The following GPR143 variants were observed in gnomAD, a reference collection of about 807,000 sequenced individuals.
GPR143 encodes the protein G protein-coupled receptor 143, also known as G-protein coupled receptor 143.
Under a neutral mutation model 27.6 loss-of-function variants are expected in GPR143, and 8 were observed. That is an observed-to-expected ratio of 0.29 (90% CI 0.17 to 0.52). GPR143 has a LOEUF of 0.52. Among genes scored for constraint, GPR143 ranks in the 20% least tolerant of loss-of-function variants. The pLI is 0.96. For missense variants in GPR143, 303 were observed against 343.1 expected, an observed-to-expected ratio of 0.88 and a Z score of 0.92; for synonymous variants, 156 against 153.2, an observed-to-expected ratio of 1.02 and a Z score of -0.13.
At chrX:9,742,044 C>T (rs184987309) in intron 6 of GPR143, among the ~76,000 whole-genome samples, 2 of 112,751 alleles carry the variant, frequency 1.8e-5, no homozygotes, top group African/African-American at 6.4e-5. Context: ...AAGGTTCTAG[C>T]ACTGTATCAA....
At chrX:9,777,791 T>A (rs866589355) in intron 1 of GPR143, among the ~76,000 whole-genome samples, 4 of 95,615 alleles carry the variant, frequency 4.2e-5, no homozygotes. Context: ...TCCATCTCTT[T>A]AAAAAAAAAA....
At position 9,756,099 on chromosome X, in the gene GPR143, C is replaced by A. The variant is rs748073134; in HGVS notation, c.455+3233G>T. Among the ~76,000 whole-genome samples the A allele has an allele frequency of 2.7e-5, 3 of 112,185 alleles. No homozygotes were observed. In the South Asian group the frequency reaches 1.1e-3, roughly 41 times the overall value. ...TCAATGATTTTAGAGCGGGGATCTA[C>A]TGGGATTACCCAATATATTCTATAG... On this transcript the variant is annotated intron_variant, in intron 3 of 8. Coordinates refer to ENST00000467482, the MANE Select transcript of GPR143 (RefSeq NM_000273.3).
intron 3 of GPR143, among the ~76,000 whole-genome samples, chrX:9,755,864 A>G (rs1173361194): frequency 8.9e-6 from 1 of 112,147 alleles, no homozygotes; most frequent in Non-Finnish European, 1.9e-5. Flanking sequence ...GCCAAAATGA[A>G]TCTTCACTGA....
Position 9,725,589 on chromosome X carries a change from A to G in GPR143, c.*157T>C, listed in dbSNP as rs1200798817. The G allele has an allele frequency of 2.1e-6, 1 of 468,689 alleles. No homozygotes were observed. Among genetic ancestry groups the G allele is most frequent in the Non-Finnish European group, 3.8e-6 (1 of 264,904 alleles). 38.6% of individuals were successfully genotyped at this position (468,689 alleles called of 1,213,427 possible). A position where few individuals can be genotyped will look rare whatever the true frequency, so the allele number is the denominator to read the frequency against. ...GCATGAACCCTTTCTCCTATCCTAAAGGCCCTTCGGGAAGAAGCTCTAGCT... is the reference window on the plus strand; with the variant it reads ...GCATGAACCCTTTCTCCTATCCTAAGGGCCCTTCGGGAAGAAGCTCTAGCT... On this transcript the variant is annotated 3_prime_UTR_variant, in exon 9 of 9. Transcript: ENST00000467482.
chrX:9,765,560 G>A lies in GPR143; in HGVS notation c.250+8C>T, dbSNP rs2083527254. 9.3e-7 allele frequency: 1 copy of A among 1,078,937 alleles called. No individual in the cohort carries two copies. The highest frequency in any genetic ancestry group is 3.1e-5 in the Admixed American group (1 of 32,524). 88.9% of individuals were successfully genotyped at this position (1,078,937 alleles called of 1,213,427 possible). ...AGATTCCAACCCGCGGGCCGCGCGCGCCCTTACCCAGGCAGCCGAGAAGGT... is the reference window on the plus strand; with the variant it reads ...AGATTCCAACCCGCGGGCCGCGCGCACCCTTACCCAGGCAGCCGAGAAGGT... On this transcript the variant is annotated splice_region_variant and intron_variant, in intron 1 of 8. Coordinates refer to ENST00000467482, the MANE Select transcript of GPR143 (RefSeq NM_000273.3).
chrX:9,752,817 G>T (rs1464550188), intron 3 of GPR143, among the ~76,000 whole-genome samples: 1 of 110,597 alleles, frequency 9.0e-6, no homozygotes, highest in Admixed American at 9.7e-5. Context: ...CTGCCCTCCA[G>T]CCTAGATGAC....
intron 8 of GPR143, among the ~76,000 whole-genome samples, chrX:9,728,327 TAAAGA>T (rs1157197201): frequency 9.7e-6 from 1 of 103,305 alleles, no homozygotes; most frequent in Non-Finnish European, 2.0e-5. Context: ...GACATGAGTA[TAAAGA>T]AAAGGGCAGG....
At chrX:9,741,943 T>C (rs1185599826) in intron 6 of GPR143, among the ~76,000 whole-genome samples, 1 of 111,247 alleles carries the variant, frequency 9.0e-6, no homozygotes, top group Non-Finnish European at 1.9e-5. Flanking sequence ...ACACTAAGAA[T>C]TTAATTTAAA....
upstream of GPR143, chrX:9,766,214 C>T (rs1412624658): frequency 1.7e-5 from 2 of 118,963 alleles, no homozygotes; most frequent in African/African-American, 6.4e-5. Context: ...AAACAGGCCT[C>T]GTGGACTAGA....
upstream of GPR143, among the ~76,000 whole-genome samples, chrX:9,771,054 G>A (rs1215869615): frequency 1.8e-5 from 2 of 111,688 alleles, no homozygotes; most frequent in African/African-American, 6.5e-5. Flanking sequence ...ACTTTGGGAG[G>A]CCAAGGTGGG....
chrX:9,766,892 ATCTC>A (rs778384446), upstream of GPR143, among the ~76,000 whole-genome samples: 123 of 77,299 alleles, frequency 1.6e-3, no homozygotes, highest in African/African-American at 6.1e-3. Flanking sequence ...GTGAGACCCT[ATCTC>A]TCTCTCTCAC....
intron 3 of GPR143, among the ~76,000 whole-genome samples, chrX:9,749,260 G>A (rs1945859856): frequency 1.1e-5 from 1 of 89,622 alleles, no homozygotes; most frequent in Non-Finnish European, 2.1e-5. Flanking sequence ...CCAATCGCTC[G>A]GCTGCCTTGT....
intron 3 of GPR143, among the ~76,000 whole-genome samples, chrX:9,750,017 C>A (rs1473526369): frequency 8.9e-6 from 1 of 112,007 alleles, no homozygotes; most frequent in Admixed American, 9.4e-5. Flanking sequence ...CCCCCTGCCT[C>A]GGCCTCCCAA....
At chrX:9,736,093 C>A (rs2083378303) in intron 8 of GPR143, among the ~76,000 whole-genome samples, 1 of 110,692 alleles carries the variant, frequency 9.0e-6, no homozygotes, top group South Asian at 3.8e-4. Flanking sequence ...CGGAATGACA[C>A]CTGCGTTTCC....
chrX:9,725,630 G>T lies in GPR143; in HGVS notation c.*116C>A. Reference sequence around the variant, plus strand: ...AGCTCTAGCTGGTGATGAGAGCAAGGTTTGGGGGCCGCTACACTTCGGCAG... The same window carrying T: ...AGCTCTAGCTGGTGATGAGAGCAAGTTTTGGGGGCCGCTACACTTCGGCAG... On this transcript the variant is annotated 3_prime_UTR_variant, in exon 9 of 9. Transcript: ENST00000467482. 1 of 577,824 alleles carries T rather than the reference G, an allele frequency of 1.7e-6. No individual in the cohort carries two copies. Among genetic ancestry groups the T allele is most frequent in the Non-Finnish European group, 2.9e-6 (1 of 342,165 alleles). 47.6% of individuals were successfully genotyped at this position (577,824 alleles called of 1,213,427 possible).
chrX:9,728,541 G>A (rs2083339086), intron 8 of GPR143, among the ~76,000 whole-genome samples: 1 of 104,424 alleles, frequency 9.6e-6, no homozygotes, highest in Admixed American at 1.0e-4. Flanking sequence ...TGTGGGCTGG[G>A]CACGATGGCT....
At chrX:9,772,813 CAAAAAAAAAA>C (rs57110568) in intron 1 of GPR143, among the ~76,000 whole-genome samples, 7 of 49,783 alleles carry the variant, frequency 1.4e-4, no homozygotes, top group South Asian at 2.9e-3. Context: ...GATCCTGTCT[CAAAAAAAAAA>C]AAAAAAAAAA....
chrX:9,753,610 C>T (rs1278582374), intron 3 of GPR143, among the ~76,000 whole-genome samples: 1 of 110,916 alleles, frequency 9.0e-6, no homozygotes, highest in African/African-American at 3.3e-5. Flanking sequence ...CAAACCTGAA[C>T]CTGAGGTTTC....
upstream of GPR143, among the ~76,000 whole-genome samples, chrX:9,766,933 A>T (rs748967352): frequency 5.6e-5 from 6 of 107,942 alleles, no homozygotes; most frequent in Non-Finnish European, 9.6e-5. Context: ...ACACACACAC[A>T]CACACACACA....
Sources: allele counts gnomAD v4.1 joint callset (sites outside exome capture counted in the v4.1 genomes callset), GRCh38; gene constraint gnomAD v4.1.1; transcripts MANE v1.5; gene names NCBI Gene and HGNC (gene_info 2026-07-23, HGNC 2026-07-21).